AFG2A: variants seen among roughly 807,000 people sequenced by gnomAD.
AFG2A encodes the protein ATPase family gene 2 protein homolog A.
At chr4:123,280,892 C>CA in the AFG2A span, among the ~76,000 whole-genome samples, 1 of 151,676 alleles carries the variant, frequency 6.6e-6, no homozygotes, top group South Asian at 2.1e-4. Flanking sequence ...CCACAATAAT[C>CA]AAAAAAAGCA....
the AFG2A span, among the ~76,000 whole-genome samples, chr4:123,306,146 T>C: frequency 6.6e-6 from 1 of 152,330 alleles, no homozygotes; most frequent in Non-Finnish European, 1.5e-5. Context: ...ATTGCTTTTT[T>C]CCCCACATTT....
chr4:123,115,868 G>A, the AFG2A span, among the ~76,000 whole-genome samples: 12 of 152,154 alleles, frequency 7.9e-5, no homozygotes, highest in Non-Finnish European at 1.5e-5. Context: ...AGTGATGGAT[G>A]GACTAGCAGC....
At chr4:123,137,991 A>T in the AFG2A span, among the ~76,000 whole-genome samples, 2 of 152,170 alleles carry the variant, frequency 1.3e-5, no homozygotes, top group African/African-American at 2.4e-5. Context: ...TGGATATTTG[A>T]TGACAGCTGG....
the AFG2A span, among the ~76,000 whole-genome samples, chr4:123,086,731 A>G: frequency 6.6e-6 from 1 of 151,808 alleles, no homozygotes; most frequent in Non-Finnish European, 1.5e-5. Flanking sequence ...TTTTGTTTTC[A>G]TAAAGTTTTC....
At chr4:123,132,780 CTTTTT>C in the AFG2A span, among the ~76,000 whole-genome samples, 1 of 129,210 alleles carries the variant, frequency 7.7e-6, no homozygotes, top group Admixed American at 7.8e-5. Flanking sequence ...GATTTCAATC[CTTTTT>C]TTTTTTTTTT....
chr4:123,144,279 G>A, the AFG2A span, among the ~76,000 whole-genome samples: 1 of 152,012 alleles, frequency 6.6e-6, no homozygotes, highest in African/African-American at 2.4e-5. Flanking sequence ...GGCTTCATTT[G>A]CTTTTAATAT....
At chr4:123,257,493 T>C in the AFG2A span, among the ~76,000 whole-genome samples, 1 of 152,156 alleles carries the variant, frequency 6.6e-6, no homozygotes, top group Non-Finnish European at 1.5e-5. Flanking sequence ...TGAGGAGTAT[T>C]TGTATTTGAT....
the AFG2A span, among the ~76,000 whole-genome samples, chr4:123,136,191 C>T: frequency 1.3e-5 from 2 of 152,076 alleles, no homozygotes; most frequent in South Asian, 4.1e-4. Flanking sequence ...TTATGATCAC[C>T]CACGACATTG....
At chr4:123,022,525 T>C in the AFG2A span, among the ~76,000 whole-genome samples, 1 of 149,434 alleles carries the variant, frequency 6.7e-6, no homozygotes, top group African/African-American at 2.5e-5. Context: ...CATTAAAAAG[T>C]CAGGAAACAA....
chr4:123,162,774 C>A, the AFG2A span, among the ~76,000 whole-genome samples: 1 of 152,100 alleles, frequency 6.6e-6, no homozygotes, highest in East Asian at 1.9e-4. Context: ...AAATTTGAAA[C>A]CAGCTCTGCT....
the AFG2A span, among the ~76,000 whole-genome samples, chr4:123,156,906 T>C: frequency 2.0e-5 from 3 of 152,076 alleles, no homozygotes; most frequent in African/African-American, 4.8e-5. Flanking sequence ...GGTGAACTTA[T>C]TACCAGAAAT....
At chr4:123,114,663 C>A in the AFG2A span, among the ~76,000 whole-genome samples, 2 of 152,224 alleles carry the variant, frequency 1.3e-5, no homozygotes, top group Admixed American at 6.5e-5. Context: ...CCCAGGCCCA[C>A]AGCCACAACC....
the AFG2A span, among the ~76,000 whole-genome samples, chr4:123,168,962 A>C: frequency 7.9e-5 from 12 of 152,232 alleles, no homozygotes; most frequent in Non-Finnish European, 1.2e-4. Flanking sequence ...AGTTAAGTAC[A>C]TTCCTTAGAT....
the AFG2A span, among the ~76,000 whole-genome samples, chr4:123,240,323 A>G: frequency 6.6e-6 from 1 of 152,220 alleles, no homozygotes. Flanking sequence ...TCAACAGAAT[A>G]TACATTCTTC....
the AFG2A span, among the ~76,000 whole-genome samples, chr4:122,937,215 T>A: frequency 6.6e-6 from 1 of 152,150 alleles, no homozygotes; most frequent in Non-Finnish European, 1.5e-5. Flanking sequence ...ACGTTATGTT[T>A]GACCAAGTTA....
At chr4:123,066,954 A>G in the AFG2A span, among the ~76,000 whole-genome samples, 20 of 152,208 alleles carry the variant, frequency 1.3e-4, no homozygotes, top group African/African-American at 4.8e-4. Context: ...ACTAAGTACT[A>G]TAGCATAATT....
the AFG2A span, among the ~76,000 whole-genome samples, chr4:123,095,040 A>T: frequency 1.1e-4 from 3 of 26,864 alleles, no homozygotes; most frequent in Non-Finnish European, 4.3e-4. Context: ...CAAAAAAAAA[A>T]AAATATATAT....
chr4:123,076,467 ACATT>A, the AFG2A span, among the ~76,000 whole-genome samples: 1 of 152,160 alleles, frequency 6.6e-6, no homozygotes, highest in African/African-American at 2.4e-5. Flanking sequence ...TATGTTTGCA[ACATT>A]CATCCTAGGG....
the AFG2A span, among the ~76,000 whole-genome samples, chr4:123,219,527 G>A: frequency 7.4e-3 from 1,120 of 152,228 alleles, 26 homozygotes; most frequent in South Asian, 0.086. Flanking sequence ...CCCCATATTA[G>A]TACTTAGTGT....
Sources: allele counts gnomAD v4.1 joint callset (sites outside exome capture counted in the v4.1 genomes callset), GRCh38; gene constraint gnomAD v4.1.1; transcripts MANE v1.5; gene names NCBI Gene and HGNC (gene_info 2026-07-23, HGNC 2026-07-21).